The following RFX7 variants were observed in gnomAD, a reference collection of about 807,000 sequenced individuals.
RFX7 encodes DNA-binding protein RFX7.
A neutral mutation model predicts 111.8 loss-of-function variants in RFX7; 26 were observed. The observed-to-expected ratio is 0.23, with a 90% CI of 0.17 to 0.32. The LOEUF (loss-of-function observed/expected upper bound fraction) is 0.32. RFX7 is among the 10% of genes least tolerant of loss of function. RFX7 has a pLI of 1.00. For missense variants in RFX7, 1,573 were observed against 1,772.9 expected (o/e 0.89, Z 2.02); for synonymous variants, 624 against 624.4 (o/e 1.00, Z 0.01).
intron 3 of RFX7, among the ~76,000 whole-genome samples, chr15:56,150,755 A>C (rs188708168): frequency 2.5e-4 from 38 of 152,198 alleles, no homozygotes; most frequent in African/African-American, 8.7e-4. Context: ...AAGGTGGGTA[A>C]TAACGAACAA....
In RFX7 at chr15:56,094,304, C is replaced by T. The variant is rs1274868941; in HGVS notation, c.3424G>A (p.Gly1142Ser). 1.2e-6 allele frequency: 2 copies of T among 1,613,836 alleles called. No homozygotes were observed. The highest frequency in any genetic ancestry group is 1.7e-6 in the Non-Finnish European group (2 of 1,179,890). The change falls in exon 10 of 10, where the codon GGT becomes AGT. Residue 1142 changes from glycine to serine, a missense_variant. By Grantham distance (56) the Gly-to-Ser change is moderately conservative (BLOSUM62 0). Around this residue, in one of 7 missense-constraint regions of RFX7, gnomAD observed 411 missense variants for 478.1 expected, o/e 0.86. Coordinates refer to ENST00000559447, the MANE Select transcript of RFX7 (RefSeq NM_022841.7). Reference protein sequence around the residue: ...ATVNNTNKQEGFAVPAPLDNK... With the variant: ...ATVNNTNKQESFAVPAPLDNK... ...TCAAGAGGGGCAGGGACTGCAAAACCCTCCTGTTTGTTGGTGTTATTTACA... is the reference window on the plus strand; with the variant it reads ...TCAAGAGGGGCAGGGACTGCAAAACTCTCCTGTTTGTTGGTGTTATTTACA...
intron 5 of RFX7, among the ~76,000 whole-genome samples, chr15:56,110,302 C>T (rs1226501475): frequency 7.2e-5 from 5 of 69,892 alleles, no homozygotes; most frequent in Admixed American, 7.0e-4. Flanking sequence ...CCAGCCGCCC[C>T]GTCCGGGAGG....
At chr15:56,179,129 G>C in intron 3 of RFX7, 141 bp downstream of exon 3, 1 of 345,630 alleles carries the variant, frequency 2.9e-6, no homozygotes, top group Non-Finnish European at 5.5e-6. Context: ...ATTCACCCGA[G>C]GGGGCTGTAA....
intron 2 of RFX7, among the ~76,000 whole-genome samples, chr15:56,190,064 C>G (rs552037124): frequency 1.3e-5 from 2 of 152,138 alleles, no homozygotes; most frequent in African/African-American, 4.8e-5. Flanking sequence ...AAATATTATA[C>G]TGAGCCATAT....
At chr15:56,119,192 T>C (rs1386257005) in intron 5 of RFX7, among the ~76,000 whole-genome samples, 1 of 152,238 alleles carries the variant, frequency 6.6e-6, no homozygotes, top group East Asian at 1.9e-4. Context: ...TTTAACTGCA[T>C]GTGATCCCAT....
rs746387188 is a variant in RFX7, at chr15:56,101,386, G to C, written c.784C>G (p.Leu262Val). 2 of 1,602,904 alleles carry C rather than the reference G, an allele frequency of 1.2e-6. No homozygotes were observed. The highest frequency in any genetic ancestry group is 1.7e-6 in the Non-Finnish European group (2 of 1,174,782). ...HYIGTKSMAA[L>V]TVMAAAPAGM... ...GCTGGTGCTGCTGCCATTACAGTTAGAGCTGCCATTGACTTGGTGCCTATA... is the reference window on the plus strand; with the variant it reads ...GCTGGTGCTGCTGCCATTACAGTTACAGCTGCCATTGACTTGGTGCCTATA... The change falls in exon 8 of 10, where the codon CTA becomes GTA. Residue 262 changes from leucine to valine, a missense_variant. This residue lies in a region of RFX7 where 288 missense variants were observed against 337.9 expected (regional missense o/e 0.85). Coordinates refer to ENST00000559447, the MANE Select transcript of RFX7 (RefSeq NM_022841.7).
intron 5 of RFX7, among the ~76,000 whole-genome samples, chr15:56,119,867 A>G (rs2042053964): frequency 6.6e-6 from 1 of 151,602 alleles, no homozygotes; most frequent in African/African-American, 2.4e-5. Context: ...CTTTTGGTCT[A>G]TGTGTCTGTT....
At chr15:56,193,080 C>T in intron 2 of RFX7, 1 of 249,600 alleles carries the variant, frequency 4.0e-6, no homozygotes, top group Non-Finnish European at 8.6e-6. Flanking sequence ...AGGCTTTTCT[C>T]AATTCCCTCT....
chr15:56,197,264 A>G (rs998918300), intron 2 of RFX7, among the ~76,000 whole-genome samples: 7 of 152,124 alleles, frequency 4.6e-5, no homozygotes, highest in Non-Finnish European at 8.8e-5. Context: ...TATACTTTAG[A>G]TACTAATCTT....
intron 5 of RFX7, among the ~76,000 whole-genome samples, chr15:56,121,188 C>T (rs1263137549): frequency 1.3e-5 from 2 of 152,150 alleles, no homozygotes; most frequent in African/African-American, 4.8e-5. Context: ...TTAATGAAAT[C>T]CCTAAGCTTT....
intron 5 of RFX7, among the ~76,000 whole-genome samples, chr15:56,112,379 C>CAAAAAAAAAAAAAAAAAAAAAAAAATA (rs71110374): frequency 1.4e-5 from 1 of 71,768 alleles, no homozygotes; most frequent in African/African-American, 5.7e-5. Flanking sequence ...GAGTACAAAT[C>CAAAAAAAAAAAAAAAAAAAAAAAAATA]AAAAAAAAAA....
chr15:56,173,818 T>G (rs144994965), intron 3 of RFX7, among the ~76,000 whole-genome samples: 1 of 151,606 alleles, frequency 6.6e-6, no homozygotes, highest in African/African-American at 2.4e-5. Context: ...ACAAAAATGA[T>G]AGAGATAATA....
rs56077181 is a variant in RFX7 at position 56,107,296 on chromosome 15, C to CAAAAA, written c.402-3631_402-3627dup. ...TGGGCAGTAGAGCAAGACTCCGTCTCAAAAAAAAAAAAAAAAAAAAAAAAA... is the reference window on the plus strand; with the variant it reads ...TGGGCAGTAGAGCAAGACTCCGTCTCAAAAAAAAAAAAAAAAAAAAAAAAAAAAAA... On this transcript the variant is annotated intron_variant, in intron 5 of 9. Transcript: ENST00000559447. Among the ~76,000 whole-genome samples, 181 of 32,106 alleles carry CAAAAA rather than the reference C, an allele frequency of 5.6e-3. 15 individuals are homozygous for CAAAAA. Among genetic ancestry groups the CAAAAA allele is most frequent in the Non-Finnish European group, 7.7e-3 (139 of 18,054 alleles). 21.1% of individuals were successfully genotyped at this position (32,106 alleles called of 152,430 possible).
chr15:56,124,106 T>C (rs1284434681), intron 5 of RFX7, among the ~76,000 whole-genome samples: 1 of 152,164 alleles, frequency 6.6e-6, no homozygotes, highest in Non-Finnish European at 1.5e-5. Context: ...TATTTGGCCA[T>C]CTTGGTACAC....
chr15:56,196,471 G>A (rs2043146746), intron 2 of RFX7, among the ~76,000 whole-genome samples: 1 of 151,874 alleles, frequency 6.6e-6, no homozygotes, highest in South Asian at 2.1e-4. Flanking sequence ...TTACTTAATA[G>A]GCATTAGAAG....
At chr15:56,226,684 T>C (rs1265918984) in intron 2 of RFX7, among the ~76,000 whole-genome samples, 1 of 152,144 alleles carries the variant, frequency 6.6e-6, no homozygotes, top group African/African-American at 2.4e-5. Context: ...AAATTGTAAA[T>C]ACTTAAGCAT....
At chr15:56,200,187 T>C (rs926586481) in intron 2 of RFX7, among the ~76,000 whole-genome samples, 1 of 152,140 alleles carries the variant, frequency 6.6e-6, no homozygotes. Flanking sequence ...CAGGCAAATT[T>C]ACCTAGTCTA....
At chr15:56,117,099 G>A (rs143067032) in intron 5 of RFX7, among the ~76,000 whole-genome samples, 25 of 152,242 alleles carry the variant, frequency 1.6e-4, no homozygotes, top group African/African-American at 5.8e-4. Flanking sequence ...CTGGTAATAC[G>A]AGGGTATTCC....
chr15:56,241,742 C>T (rs184070894), intron 2 of RFX7, among the ~76,000 whole-genome samples: 63 of 151,402 alleles, frequency 4.2e-4, no homozygotes, highest in Admixed American at 3.1e-3. Context: ...ACACACACCC[C>T]AATCATATCT....
Sources: allele counts gnomAD v4.1 joint callset (sites outside exome capture counted in the v4.1 genomes callset), GRCh38; gene constraint gnomAD v4.1.1; regional missense constraint gnomAD v4.1.1; transcripts MANE v1.5; gene names NCBI Gene and HGNC (gene_info 2026-07-23, HGNC 2026-07-21).